Variants in DIP2C observed in about 807,000 individuals in gnomAD.
DIP2C encodes the protein DIP2 acetate--CoA ligase C (putative).
A neutral mutation model predicts 192.4 loss-of-function variants in DIP2C; 33 were observed. The ratio of observed to expected loss-of-function variants is 0.17; its 90% CI spans 0.13 to 0.23. DIP2C has a LOEUF of 0.23. Among genes scored for constraint, DIP2C ranks in the 10% least tolerant of loss-of-function variants. The pLI, the probability that DIP2C is intolerant of heterozygous loss-of-function variation, is 1.00. For missense variants in DIP2C, 1,537 were observed against 2,110.1 expected (o/e 0.73, Z 5.32); for synonymous variants, 979 against 864.1 (o/e 1.13, Z -2.33).
In DIP2C at chr10:548,217, C is replaced by CCT. The variant is rs901811741; in HGVS notation, c.86-61688_86-61687insAG. Among the ~76,000 whole-genome samples the CCT allele has an allele frequency of 9.3e-4, 121 of 129,852 alleles. 4 individuals carry two copies. Among genetic ancestry groups the CCT allele is most frequent in the Non-Finnish European group, 1.6e-3 (90 of 57,682 alleles). The allele number at this position is 129,852 out of a possible 152,430, so 85.2% of individuals were successfully genotyped here. A position where few individuals can be genotyped will look rare whatever the true frequency, so the allele number is the denominator to read the frequency against. ...CACACGAGTCTGCCCCACCCCCCCCCCCACAGGAAAGCCCTGGTGGTCAGG... is the reference window on the plus strand; with the variant it reads ...CACACGAGTCTGCCCCACCCCCCCCCCTCCACAGGAAAGCCCTGGTGGTCAGG... On this transcript the variant is annotated intron_variant, in intron 1 of 36. Transcript: ENST00000280886.
intron 24 of DIP2C, among the ~76,000 whole-genome samples, chr10:352,971 C>T (rs1038321601): frequency 2.6e-5 from 4 of 152,136 alleles, no homozygotes; most frequent in East Asian, 1.9e-4. Flanking sequence ...GATGCATTCT[C>T]GGCGAGTGTC....
At chr10:282,874 T>C (rs1038331010) in intron 35 of DIP2C, among the ~76,000 whole-genome samples, 3 of 152,234 alleles carry the variant, frequency 2.0e-5, no homozygotes, top group African/African-American at 7.2e-5. Context: ...GCATGCACGT[T>C]CCTGCAGCCA....
intron 4 of DIP2C, among the ~76,000 whole-genome samples, chr10:428,796 GCATTT>G: frequency 6.6e-6 from 1 of 152,000 alleles, no homozygotes; most frequent in Middle Eastern, 3.4e-3. Flanking sequence ...GGTTCTGTTC[GCATTT>G]AATTTTGGTT....
chr10:591,228 GTT>G (rs1373667183), intron 1 of DIP2C, among the ~76,000 whole-genome samples: 1 of 152,110 alleles, frequency 6.6e-6, no homozygotes, highest in Non-Finnish European at 1.5e-5. Flanking sequence ...CGGTACAAGT[GTT>G]TCTCCTGCCT....
chr10:668,068 TCATACAACACAC>T, intron 1 of DIP2C: 1 of 146,538 alleles, frequency 6.8e-6, no homozygotes, highest in Non-Finnish European at 1.5e-5. Flanking sequence ...TACAACACAC[TCATACAACACAC>T]ACAACACATG....
intron 3 of DIP2C, among the ~76,000 whole-genome samples, chr10:449,830 GAAGAA>G (rs1205867708): frequency 2.1e-5 from 3 of 144,246 alleles, no homozygotes; most frequent in Non-Finnish European, 3.0e-5. Flanking sequence ...CTAATTCCAT[GAAGAA>G]AATATTAATA....
intron 10 of DIP2C, among the ~76,000 whole-genome samples, chr10:392,020 G>A (rs985672814): frequency 5.9e-5 from 9 of 152,196 alleles, no homozygotes; most frequent in Admixed American, 3.9e-4. Context: ...AGCACATGCA[G>A]GGCAGCTCCC....
intron 1 of DIP2C, among the ~76,000 whole-genome samples, chr10:519,449 C>T (rs988564410): frequency 3.9e-5 from 6 of 152,206 alleles, no homozygotes; most frequent in East Asian, 1.9e-4. Context: ...GTGCTGACCC[C>T]GCGTGGTATT....
chr10:482,610 G>GA (rs1843685747), intron 2 of DIP2C, among the ~76,000 whole-genome samples: 1 of 152,180 alleles, frequency 6.6e-6, no homozygotes, highest in Admixed American at 6.5e-5. Context: ...TCAATACCAA[G>GA]AAACATTTCA....
At position 685,402 on chromosome 10, in the gene DIP2C, T is replaced by C. The variant is rs180715608; in HGVS notation, c.85+4092A>G. 2.1e-3 allele frequency among the ~76,000 whole-genome samples: 324 copies of C among 152,004 alleles called. 1 individual carries two copies. The highest frequency in any genetic ancestry group is 6.8e-3 in the Middle Eastern group (2 of 294). On this transcript the variant is annotated intron_variant, in intron 1 of 36. Transcript: ENST00000280886. Reference sequence around the variant, plus strand: ...GCATGGAGGATGGAGTCAGTGGGCATGGAACACGCTGACAATTACCAAAGC... The same window carrying C: ...GCATGGAGGATGGAGTCAGTGGGCACGGAACACGCTGACAATTACCAAAGC...
In DIP2C at chr10:471,497, G is replaced by C. The variant is rs562352449; in HGVS notation, c.268+942C>G. Among the ~76,000 whole-genome samples the C allele has an allele frequency of 2.6e-5, 4 of 152,192 alleles. No homozygotes were observed. In the East Asian group the frequency reaches 7.7e-4, roughly 29 times the overall value. The stretch of plus-strand genomic sequence containing the variant: ...AGCCTCACTTTTTTCTTCTGACACA[G>C]AAGACAACAGTCACGACTTCACCTG... On this transcript the variant is annotated intron_variant, in intron 3 of 36. Transcript: ENST00000280886.
intron 1 of DIP2C, among the ~76,000 whole-genome samples, chr10:512,679 C>T (rs1434736514): frequency 1.3e-5 from 2 of 151,974 alleles, no homozygotes; most frequent in Admixed American, 6.5e-5. Context: ...TTTGGAAGGT[C>T]GGGGTGGGCA....
chr10:372,057 C>T (rs1961024266), intron 17 of DIP2C, among the ~76,000 whole-genome samples: 1 of 150,234 alleles, frequency 6.7e-6, no homozygotes, highest in African/African-American at 2.5e-5. Flanking sequence ...TTGTCTCAAT[C>T]ACAAAAACCC....
At chr10:365,994 T>A (rs1037767367) in intron 19 of DIP2C, among the ~76,000 whole-genome samples, 1 of 152,242 alleles carries the variant, frequency 6.6e-6, no homozygotes, top group African/African-American at 2.4e-5. Flanking sequence ...GCACGTTCAA[T>A]AATGATCCAC....
intron 1 of DIP2C, among the ~76,000 whole-genome samples, chr10:560,880 G>C (rs1005343178): frequency 6.6e-6 from 1 of 152,064 alleles, no homozygotes; most frequent in Non-Finnish European, 1.5e-5. Flanking sequence ...TTAGCCTGAC[G>C]GGAAACATTC....
At chr10:398,506 C>T (rs1291291460) in intron 10 of DIP2C, among the ~76,000 whole-genome samples, 1 of 152,188 alleles carries the variant, frequency 6.6e-6, no homozygotes, top group Non-Finnish European at 1.5e-5. Flanking sequence ...AATGTACGAA[C>T]CCAAAAGCTG....
chr10:537,140 T>G (rs187765760), intron 1 of DIP2C, among the ~76,000 whole-genome samples: 1 of 151,946 alleles, frequency 6.6e-6, no homozygotes, highest in Non-Finnish European at 1.5e-5. Flanking sequence ...TGGAGTGAGT[T>G]TGACAACCTG....
At chr10:668,650 C>T (rs939151057) in intron 1 of DIP2C, 5 of 152,366 alleles carry the variant, frequency 3.3e-5, no homozygotes, top group African/African-American at 4.8e-5. Flanking sequence ...CAACACAACA[C>T]GCTCATACAA....
chr10:685,161 A>AAT (rs1222919501), intron 1 of DIP2C, among the ~76,000 whole-genome samples: 21 of 31,808 alleles, frequency 6.6e-4, no homozygotes, highest in African/African-American at 2.1e-3. Flanking sequence ...AAAAAAAAAA[A>AAT]ATATATATAT....
Sources: allele counts gnomAD v4.1 joint callset (sites outside exome capture counted in the v4.1 genomes callset), GRCh38; gene constraint gnomAD v4.1.1; transcripts MANE v1.5; gene names NCBI Gene and HGNC (gene_info 2026-07-23, HGNC 2026-07-21).